The following ZDHHC14 variants were observed in gnomAD, a reference collection of about 807,000 sequenced individuals.
ZDHHC14 encodes zDHHC palmitoyltransferase 14, also known as palmitoyltransferase ZDHHC14.
ZDHHC14 carries 16 observed loss-of-function variants against 47.7 expected under a neutral mutation model. That is an observed-to-expected ratio of 0.34 (90% CI 0.23 to 0.51). ZDHHC14 has a LOEUF of 0.51. ZDHHC14 is among the 20% of genes least tolerant of loss of function. The probability of loss-of-function intolerance (pLI) is 0.97; values close to 1 mark genes in which losing one functional copy is unlikely to be tolerated. For synonymous variants in ZDHHC14, 293 were observed against 278.9 expected (o/e 1.05, Z -0.50); for missense variants, 515 against 662.5 (o/e 0.78, Z 2.44).
chr6:157,617,446 G>C (rs1785012794), intron 3 of ZDHHC14, among the ~76,000 whole-genome samples: 1 of 152,100 alleles, frequency 6.6e-6, no homozygotes, highest in Non-Finnish European at 1.5e-5. Flanking sequence ...CTTCTCAAGG[G>C]AACTGGCATC....
At chr6:157,398,287 G>A (rs1170920633) in intron 1 of ZDHHC14, among the ~76,000 whole-genome samples, 2 of 152,180 alleles carry the variant, frequency 1.3e-5, no homozygotes, top group Admixed American at 6.5e-5. Flanking sequence ...CCAGGCTGCA[G>A]TCCTGGAGGG....
Position 157,676,721 on chromosome 6 carries a change from G to A in ZDHHC14, c.*3599G>A, listed in dbSNP as rs1778976093. 1 of 152,280 alleles carries A rather than the reference G, an allele frequency of 6.6e-6. No individual in the cohort carries two copies. 9.4% of individuals were successfully genotyped at this position (152,280 alleles called of 1,614,324 possible). A position where few individuals can be genotyped will look rare whatever the true frequency, so the allele number is the denominator to read the frequency against. On this transcript the variant is annotated 3_prime_UTR_variant, in exon 9 of 9. Coordinates refer to ENST00000359775, the MANE Select transcript of ZDHHC14 (RefSeq NM_024630.3). ...CAGAGACTTTGAAGGGCACAGCCTGGCGGGCTACTCCCCAAGGGTCTCAGG... is the reference window on the plus strand; with the variant it reads ...CAGAGACTTTGAAGGGCACAGCCTGACGGGCTACTCCCCAAGGGTCTCAGG...
At chr6:157,599,018 A>G (rs1245996144) in intron 3 of ZDHHC14, among the ~76,000 whole-genome samples, 1 of 152,278 alleles carries the variant, frequency 6.6e-6, no homozygotes, top group Non-Finnish European at 1.5e-5. Context: ...AAATCTTTGT[A>G]AAGAAGCTTT....
chr6:157,676,970 C>T lies in ZDHHC14; in HGVS notation c.*3848C>T, dbSNP rs1438891125. ...TCCATCCACAAGAATACATTGAGTTCATTTAGTTCTTGACCAGGTAAGAAA... is the reference window on the plus strand; with the variant it reads ...TCCATCCACAAGAATACATTGAGTTTATTTAGTTCTTGACCAGGTAAGAAA... On this transcript the variant is annotated 3_prime_UTR_variant, in exon 9 of 9. Coordinates refer to ENST00000359775, the MANE Select transcript of ZDHHC14 (RefSeq NM_024630.3). 1.3e-5 allele frequency: 2 copies of T among 152,176 alleles called. No homozygotes were observed. Among genetic ancestry groups the T allele is most frequent in the Non-Finnish European group, 2.9e-5 (2 of 68,030 alleles). The allele number at this position is 152,176 out of a possible 1,614,324, so 9.4% of individuals were successfully genotyped here. A position where few individuals can be genotyped will look rare whatever the true frequency, so the allele number is the denominator to read the frequency against.
chr6:157,522,246 T>G (rs1392413857), intron 1 of ZDHHC14, among the ~76,000 whole-genome samples: 1 of 152,184 alleles, frequency 6.6e-6, no homozygotes, highest in Non-Finnish European at 1.5e-5. Context: ...TCCTCCCTTC[T>G]AGATACAAAT....
At chr6:157,597,424 A>C (rs1359676111) in intron 3 of ZDHHC14, among the ~76,000 whole-genome samples, 1 of 152,238 alleles carries the variant, frequency 6.6e-6, no homozygotes, top group Non-Finnish European at 1.5e-5. Flanking sequence ...TTTCGCTGGA[A>C]TGCGTATTTT....
chr6:157,620,098 T>A (rs1033791362), intron 3 of ZDHHC14, among the ~76,000 whole-genome samples: 22 of 152,214 alleles, frequency 1.4e-4, no homozygotes, highest in Non-Finnish European at 2.5e-4. Context: ...CCATTTTCTG[T>A]TGCTATAACA....
intron 3 of ZDHHC14, among the ~76,000 whole-genome samples, chr6:157,619,242 A>G (rs1362261454): frequency 6.6e-6 from 1 of 151,364 alleles, no homozygotes; most frequent in African/African-American, 2.4e-5. Flanking sequence ...AAAAAAAATC[A>G]TAGCCGGGCA....
intron 8 of ZDHHC14, among the ~76,000 whole-genome samples, chr6:157,670,255 T>C (rs949038835): frequency 4.6e-5 from 7 of 152,208 alleles, no homozygotes; most frequent in African/African-American, 1.7e-4. Context: ...GTGGAAAGGA[T>C]TGTTAACGCT....
intron 1 of ZDHHC14, among the ~76,000 whole-genome samples, chr6:157,456,262 T>C (rs773866712): frequency 1.1e-4 from 16 of 152,204 alleles, no homozygotes; most frequent in Non-Finnish European, 2.1e-4. Context: ...TGATGTGTCC[T>C]GTTAGCCCTT....
chr6:157,655,872 G>C (rs1425117900), intron 8 of ZDHHC14, among the ~76,000 whole-genome samples: 1 of 142,176 alleles, frequency 7.0e-6, no homozygotes, highest in African/African-American at 2.6e-5. Context: ...GGTTCTGCAG[G>C]GTGCTGATCT....
chr6:157,452,158 C>G (rs1048684888), intron 1 of ZDHHC14, among the ~76,000 whole-genome samples: 1 of 152,146 alleles, frequency 6.6e-6, no homozygotes, highest in Non-Finnish European at 1.5e-5. Flanking sequence ...GACCTTGGAC[C>G]AGACAGATTT....
chr6:157,444,369 G>C (rs1317772218), intron 1 of ZDHHC14, among the ~76,000 whole-genome samples: 2 of 152,188 alleles, frequency 1.3e-5, no homozygotes, highest in Non-Finnish European at 2.9e-5. Context: ...GAGGCTCCAA[G>C]AGAACACTCA....
chr6:157,529,327 C>G (rs2114780357), intron 1 of ZDHHC14: 1 of 153,370 alleles, frequency 6.5e-6, no homozygotes, highest in East Asian at 1.9e-4. Context: ...TAGCATTGTA[C>G]TGGTCAGAAT....
At chr6:157,529,155 A>G (rs1221221087) in intron 1 of ZDHHC14, 1 of 154,782 alleles carries the variant, frequency 6.5e-6, no homozygotes, top group Non-Finnish European at 1.5e-5. Flanking sequence ...TCAGGAGTGG[A>G]TACTGGAGCA....
chr6:157,542,277 A>G (rs1448692753), intron 1 of ZDHHC14, among the ~76,000 whole-genome samples: 2 of 152,210 alleles, frequency 1.3e-5, no homozygotes, highest in Non-Finnish European at 2.9e-5. Flanking sequence ...GTCTATTTAT[A>G]CAAGCTCTGT....
intron 8 of ZDHHC14, among the ~76,000 whole-genome samples, chr6:157,669,504 T>G (rs1050716991): frequency 1.6e-4 from 24 of 152,302 alleles, no homozygotes; most frequent in African/African-American, 5.5e-4. Flanking sequence ...CTGTGTGACC[T>G]TGACTGTCTC....
At chr6:157,576,993 T>A (rs2114866880) in intron 2 of ZDHHC14, among the ~76,000 whole-genome samples, 1 of 152,304 alleles carries the variant, frequency 6.6e-6, no homozygotes, top group Middle Eastern at 3.4e-3. Context: ...CAGGTATTTT[T>A]TATGATCTTC....
intron 1 of ZDHHC14, among the ~76,000 whole-genome samples, chr6:157,499,727 C>G (rs1200263565): frequency 6.6e-6 from 1 of 152,164 alleles, no homozygotes; most frequent in Non-Finnish European, 1.5e-5. Flanking sequence ...ACTTGGATCA[C>G]CCTATGCATA....
Sources: gnomAD v4.1 joint callset for allele counts (sites outside exome capture counted in the v4.1 genomes callset) on GRCh38, gnomAD v4.1.1 for gene constraint, MANE v1.5 for transcripts, NCBI Gene and HGNC (gene_info 2026-07-23, HGNC 2026-07-21) for gene names.